Variants in ATF7IP2 observed in about 807,000 individuals in gnomAD.
The protein encoded by ATF7IP2 is activating transcription factor 7-interacting protein 2.
Under a neutral mutation model 64.2 loss-of-function variants are expected in ATF7IP2, and 42 were observed. The observed-to-expected ratio is 0.65, with a 90% CI of 0.51 to 0.85. The LOEUF (loss-of-function observed/expected upper bound fraction) is 0.85. Ranked by LOEUF, ATF7IP2 falls within the 40% of genes least tolerant of loss-of-function variation. The pLI is 0.00. For missense variants in ATF7IP2, 933 were observed against 784.2 expected (o/e 1.19, Z -2.27); for synonymous variants, 308 against 272.8 (o/e 1.13, Z -1.27).
chr16:10,480,023 C>G (rs141599409), intron 12 of ATF7IP2, among the ~76,000 whole-genome samples: 31 of 120,362 alleles, frequency 2.6e-4, no homozygotes, highest in African/African-American at 9.2e-4. Flanking sequence ...GTTCTGCCCT[C>G]TGTCACCCAG....
intron 6 of ATF7IP2, among the ~76,000 whole-genome samples, chr16:10,435,960 A>G: frequency 6.6e-6 from 1 of 152,202 alleles, no homozygotes; most frequent in East Asian, 1.9e-4. Context: ...TGTTTCTCCA[A>G]GATTCATGTG....
intron 12 of ATF7IP2, among the ~76,000 whole-genome samples, chr16:10,478,036 C>T (rs1259611709): frequency 6.6e-6 from 1 of 150,810 alleles, no homozygotes; most frequent in African/African-American, 2.4e-5. Context: ...ATTCCATGCT[C>T]ATGGGTAGGA....
intron 3 of ATF7IP2, among the ~76,000 whole-genome samples, chr16:10,421,865 T>C (rs1243725625): frequency 6.6e-6 from 1 of 152,214 alleles, no homozygotes; most frequent in Non-Finnish European, 1.5e-5. Flanking sequence ...GGCTGCAGGT[T>C]GTTTACCGCA....
intron 8 of ATF7IP2, chr16:10,448,032 C>A (rs1258151762): frequency 6.6e-6 from 1 of 152,206 alleles, no homozygotes; most frequent in African/African-American, 2.4e-5. Flanking sequence ...ATAGGGAATC[C>A]TTTCCCCATT....
rs1567165573 is a variant in ATF7IP2 at position 10,460,564 on chromosome 16, A to G, written c.1352+3035A>G. Among the ~76,000 whole-genome samples, 4 of 152,254 alleles carry G rather than the reference A, an allele frequency of 2.6e-5. No individual in the cohort carries two copies. The South Asian group carries it at 6.2e-4, about 24-fold the overall frequency. On this transcript the variant is annotated intron_variant, in intron 9 of 13. Coordinates refer to ENST00000562102, the MANE Select transcript of ATF7IP2 (RefSeq NM_001393719.1). Reference sequence around the variant, plus strand: ...TCCGGAAACCCATGTATGTATGTATATGTGATATGTGATGGAGATTGCGTG... The same window carrying G: ...TCCGGAAACCCATGTATGTATGTATGTGTGATATGTGATGGAGATTGCGTG...
chr16:10,462,764 T>C (rs995906158), intron 9 of ATF7IP2, among the ~76,000 whole-genome samples: 1 of 152,178 alleles, frequency 6.6e-6, no homozygotes, highest in Admixed American at 6.6e-5. Context: ...GGAAAATTCT[T>C]GACATTATTG....
intron 9 of ATF7IP2, among the ~76,000 whole-genome samples, chr16:10,466,790 G>C (rs2049590083): frequency 6.6e-6 from 1 of 151,786 alleles, no homozygotes; most frequent in Admixed American, 6.6e-5. Flanking sequence ...TTTCAGTGTA[G>C]TTTTTTTCAT....
intron 9 of ATF7IP2, among the ~76,000 whole-genome samples, chr16:10,459,898 A>C (rs1412450624): frequency 6.6e-6 from 1 of 152,216 alleles, no homozygotes; most frequent in African/African-American, 2.4e-5. Context: ...TCACCATTTT[A>C]TATAACATAC....
At chr16:10,460,117 C>T (rs1194445546) in intron 9 of ATF7IP2, among the ~76,000 whole-genome samples, 1 of 151,900 alleles carries the variant, frequency 6.6e-6, no homozygotes, top group Non-Finnish European at 1.5e-5. Flanking sequence ...CTTTCGTATT[C>T]CTGTTTAGAA....
intron 1 of ATF7IP2, among the ~76,000 whole-genome samples, chr16:10,400,589 C>G (rs370441934): frequency 1.3e-5 from 2 of 152,262 alleles, no homozygotes; most frequent in South Asian, 2.1e-4. Flanking sequence ...GGGATTCTTT[C>G]AACCTTTCTT....
chr16:10,425,325 C>T (rs1042412634), intron 3 of ATF7IP2, among the ~76,000 whole-genome samples: 4 of 151,474 alleles, frequency 2.6e-5, no homozygotes, highest in Non-Finnish European at 5.9e-5. Flanking sequence ...CCGCCTCAGC[C>T]TCCTAAACTG....
At chr16:10,408,755 A>C (rs979960021) in intron 1 of ATF7IP2, among the ~76,000 whole-genome samples, 8 of 152,110 alleles carry the variant, frequency 5.3e-5, no homozygotes, top group African/African-American at 1.9e-4. Flanking sequence ...TGTTGGATGT[A>C]TAGGTTATAA....
chr16:10,477,542 A>C (rs887503159), intron 12 of ATF7IP2, among the ~76,000 whole-genome samples: 1 of 152,242 alleles, frequency 6.6e-6, no homozygotes, highest in African/African-American at 2.4e-5. Context: ...CAAAAACTGG[A>C]AGCAGTCCCT....
At chr16:10,452,148 G>C (rs2049005915) in intron 8 of ATF7IP2, among the ~76,000 whole-genome samples, 1 of 152,172 alleles carries the variant, frequency 6.6e-6, no homozygotes, top group African/African-American at 2.4e-5. Context: ...TCTCCGTCCA[G>C]TTTTGGTCTG....
chr16:10,450,695 A>T (rs1407219950), intron 8 of ATF7IP2, among the ~76,000 whole-genome samples: 1 of 150,726 alleles, frequency 6.6e-6, no homozygotes, highest in Non-Finnish European at 1.5e-5. Context: ...CTTTATTTTG[A>T]GCCTGTGTGT....
At position 10,482,012 on chromosome 16, in the gene ATF7IP2, G is replaced by A. The variant is rs763494002; in HGVS notation, c.1812G>A (p.Lys604=). Residue 604 remains lysine, a synonymous_variant, in exon 14 of 14, where the codon AAG becomes AAA. Transcript: ENST00000562102. ...LTWNITKINP[K]CAPVESYHLF... ...GGAATATAACCAAAATCAATCCCAA[G>A]TGTGCTCCTGTAGAAAGCTACCACC... The A allele has an allele frequency of 1.2e-6, 2 of 1,613,886 alleles. No homozygotes were observed.
At chr16:10,396,125 C>G (rs893954186) in intron 1 of ATF7IP2, among the ~76,000 whole-genome samples, 3 of 151,964 alleles carry the variant, frequency 2.0e-5, no homozygotes, top group Non-Finnish European at 4.4e-5. Flanking sequence ...AAAGAGGAAT[C>G]CAAAACTGAG....
intron 9 of ATF7IP2, among the ~76,000 whole-genome samples, chr16:10,464,851 C>T (rs553371528): frequency 7.9e-5 from 12 of 152,286 alleles, no homozygotes; most frequent in East Asian, 1.9e-4. Context: ...GTTTGGAAGA[C>T]GGAGTTTCGC....
Position 10,431,251 on chromosome 16 carries a change from G to C in ATF7IP2, c.631G>C (p.Asp211His), listed in dbSNP as rs774264052. The change falls in exon 5 of 14, where the codon GAT becomes CAT. Residue 211 changes from aspartate to histidine, a missense_variant. Asp to His is a moderately conservative substitution (Grantham distance 81). Coordinates refer to ENST00000562102, the MANE Select transcript of ATF7IP2 (RefSeq NM_001393719.1). ...LETNSNSESH[D>H]KRQSDNILCS... ...AACAAACTCCAATTCAGAATCACAT[G>C]ATAAAAGGCAAAGTGACAACATTTT... 1.5e-5 allele frequency: 25 copies of C among 1,614,168 alleles called. No individual in the cohort carries two copies. Among genetic ancestry groups the C allele is most frequent in the Non-Finnish European group, 2.1e-5 (25 of 1,180,002 alleles).
Sources: gnomAD v4.1 joint callset for allele counts (sites outside exome capture counted in the v4.1 genomes callset) on GRCh38, gnomAD v4.1.1 for gene constraint, MANE v1.5 for transcripts, NCBI Gene and HGNC (gene_info 2026-07-23, HGNC 2026-07-21) for gene names.